The following ARHGEF3 variants were observed in gnomAD, a reference collection of about 807,000 sequenced individuals.
ARHGEF3 encodes the protein 59.8 kDA protein.
A neutral mutation model predicts 63.2 loss-of-function variants in ARHGEF3; 28 were observed. The ratio of observed to expected loss-of-function variants is 0.44; its 90% CI spans 0.33 to 0.61. The LOEUF (loss-of-function observed/expected upper bound fraction) is 0.61, where lower values mean the gene tolerates loss of function less well. Among genes scored for constraint, ARHGEF3 ranks in the 20% least tolerant of loss-of-function variants. The probability of loss-of-function intolerance (pLI) is 0.03; values close to 1 mark genes in which losing one functional copy is unlikely to be tolerated. For synonymous variants in ARHGEF3, 266 were observed against 254.2 expected, an observed-to-expected ratio of 1.05 and a Z score of -0.44; for missense variants, 533 against 659.3, an observed-to-expected ratio of 0.81 and a Z score of 2.10.
At chr3:56,816,095 G>C (rs1350811065) in intron 4 of ARHGEF3, among the ~76,000 whole-genome samples, 1 of 152,110 alleles carries the variant, frequency 6.6e-6, no homozygotes. Flanking sequence ...CATTCCTATA[G>C]TCCTAACTAC....
chr3:56,967,957 A>AT (rs1700662399), intron 2 of ARHGEF3, among the ~76,000 whole-genome samples: 7 of 68,060 alleles, frequency 1.0e-4, no homozygotes, highest in Non-Finnish European at 1.8e-4. Flanking sequence ...TATTATATAT[A>AT]TAAAATATAT....
At chr3:57,011,590 T>C (rs1298901036) in intron 2 of ARHGEF3, among the ~76,000 whole-genome samples, 1 of 152,050 alleles carries the variant, frequency 6.6e-6, no homozygotes, top group Admixed American at 6.5e-5. Flanking sequence ...CAGCAAAGAA[T>C]TCTCCAACCC....
chr3:57,078,371 G>C (rs993478317), intron 1 of ARHGEF3, among the ~76,000 whole-genome samples: 2 of 152,240 alleles, frequency 1.3e-5, no homozygotes. Flanking sequence ...GCAAGCCTGG[G>C]CCAGGCAATA....
chr3:56,968,296 A>ATATATAAAATATATATTTTATATATATT (rs1375293429), intron 2 of ARHGEF3, among the ~76,000 whole-genome samples: 2 of 43,254 alleles, frequency 4.6e-5, no homozygotes, highest in African/African-American at 6.8e-5. Flanking sequence ...TAATATATAT[A>ATATATAAAATATATATTTTATATATATT]ATATATAATA....
chr3:57,057,001 A>C (rs1370247485), intron 1 of ARHGEF3, among the ~76,000 whole-genome samples: 1 of 151,522 alleles, frequency 6.6e-6, no homozygotes, highest in African/African-American at 2.4e-5. Flanking sequence ...AGGTCTAAAC[A>C]CAAGCAGGCT....
At chr3:56,792,449 G>C (rs1433349201) in intron 1 of ARHGEF3, among the ~76,000 whole-genome samples, 1 of 152,222 alleles carries the variant, frequency 6.6e-6, no homozygotes, top group Non-Finnish European at 1.5e-5. Context: ...GTAGGACAGA[G>C]AGGTTGTTGG....
At chr3:56,886,299 G>C (rs777902040) in intron 3 of ARHGEF3, among the ~76,000 whole-genome samples, 26 of 152,240 alleles carry the variant, frequency 1.7e-4, no homozygotes, top group Admixed American at 6.5e-5. Context: ...CCTTAAAATA[G>C]GATTTCTGGA....
chr3:56,968,106 TG>T (rs1700688081), intron 2 of ARHGEF3, among the ~76,000 whole-genome samples: 1 of 51,126 alleles, frequency 2.0e-5, no homozygotes, highest in South Asian at 5.5e-4. Context: ...AAATATATAT[TG>T]TATATAATAT....
chr3:56,828,305 G>T (rs1353123367), intron 4 of ARHGEF3, among the ~76,000 whole-genome samples: 1 of 152,042 alleles, frequency 6.6e-6, no homozygotes, highest in African/African-American at 2.4e-5. Context: ...GGAGGCCAAG[G>T]TGGGTGGATC....
intron 4 of ARHGEF3, among the ~76,000 whole-genome samples, chr3:56,849,526 A>G (rs754546697): frequency 9.9e-5 from 15 of 152,160 alleles, no homozygotes; most frequent in Non-Finnish European, 1.8e-4. Context: ...GGATTAAAGG[A>G]GAAAATACAC....
At chr3:57,019,716 T>C (rs926957636) in intron 2 of ARHGEF3, among the ~76,000 whole-genome samples, 2 of 152,188 alleles carry the variant, frequency 1.3e-5, no homozygotes, top group Non-Finnish European at 2.9e-5. Flanking sequence ...GACACCTTTT[T>C]AAAGGCATCT....
intron 4 of ARHGEF3, among the ~76,000 whole-genome samples, chr3:56,866,758 T>C (rs975177181): frequency 6.6e-6 from 1 of 152,242 alleles, no homozygotes; most frequent in Non-Finnish European, 1.5e-5. Context: ...TGTAACCACA[T>C]GGTGGGCACC....
At chr3:57,064,348 G>C (rs1013656525) in intron 1 of ARHGEF3, among the ~76,000 whole-genome samples, 4 of 151,082 alleles carry the variant, frequency 2.6e-5, no homozygotes, top group African/African-American at 9.8e-5. Flanking sequence ...TTTGGAGACA[G>C]GGTTTCCCTC....
chr3:57,062,048 A>G (rs1251934972), intron 1 of ARHGEF3, among the ~76,000 whole-genome samples: 1 of 152,156 alleles, frequency 6.6e-6, no homozygotes, highest in Non-Finnish European at 1.5e-5. Flanking sequence ...AAGTAAAAAA[A>G]GAGAGTGGGG....
At chr3:56,936,437 T>C (rs1698906474) in intron 3 of ARHGEF3, among the ~76,000 whole-genome samples, 1 of 152,160 alleles carries the variant, frequency 6.6e-6, no homozygotes, top group Non-Finnish European at 1.5e-5. Context: ...CACCAAAATA[T>C]GACAGCAGAG....
chr3:57,027,594 C>T (rs529567441), intron 2 of ARHGEF3, among the ~76,000 whole-genome samples: 4 of 152,294 alleles, frequency 2.6e-5, no homozygotes, highest in Admixed American at 6.5e-5. Flanking sequence ...CTGGCTCACA[C>T]CTGTAATCCC....
chr3:56,875,863 G>A (rs1316920839), intron 4 of ARHGEF3, among the ~76,000 whole-genome samples: 3 of 152,208 alleles, frequency 2.0e-5, no homozygotes, highest in African/African-American at 7.2e-5. Context: ...GTCACAGCCT[G>A]CCTCTGAAGG....
chr3:56,958,746 A>G (rs536545788), intron 3 of ARHGEF3: 7 of 1,437,066 alleles, frequency 4.9e-6, no homozygotes, highest in South Asian at 1.2e-5. Context: ...CAACCCTAAC[A>G]GCGTCCGTTC....
chr3:56,969,847 A>AT (rs1176287586), intron 2 of ARHGEF3, among the ~76,000 whole-genome samples: 3 of 152,186 alleles, frequency 2.0e-5, no homozygotes, highest in African/African-American at 7.2e-5. Flanking sequence ...ATACAACAGA[A>AT]TATTATTCAA....
Sources: allele counts gnomAD v4.1 joint callset (sites outside exome capture counted in the v4.1 genomes callset), GRCh38; gene constraint gnomAD v4.1.1; transcripts MANE v1.5; gene names NCBI Gene and HGNC (gene_info 2026-07-23, HGNC 2026-07-21).